SCN4A: variants seen among roughly 807,000 people sequenced by gnomAD.
The protein encoded by SCN4A is sodium channel protein type 4 subunit alpha.
Under a neutral mutation model 162.0 loss-of-function variants are expected in SCN4A, and 83 were observed. The observed-to-expected ratio is 0.51, with a 90% CI of 0.43 to 0.61. The LOEUF is 0.61. SCN4A is among the 20% of genes least tolerant of loss of function. The pLI is 0.00. For synonymous variants in SCN4A, 944 were observed against 985.1 expected (o/e 0.96, Z 0.78); for missense variants, 2,196 against 2,462.5 (o/e 0.89, Z 2.29).
In SCN4A at chr17:63,941,020, G is replaced by A; in HGVS notation, c.5262C>T (p.Tyr1754=). 6.2e-7 allele frequency: 1 copy of A among 1,613,926 alleles called. No homozygotes were observed. Among genetic ancestry groups the A allele is most frequent in the Non-Finnish European group, 8.5e-7 (1 of 1,179,832 alleles). ...CCCCGCTGCCGTCGTGGCTGTGGCG[G>A]TACATGTAGGATGCCTGCTTCATGG... is the stretch of plus-strand genomic sequence containing the variant. The part of the protein sequence containing the change: ...QRSMKQASYM[Y]RHSHDGSGDD... The change falls in exon 24 of 24, where the codon TAC becomes TAT. Residue 1754 remains tyrosine, a synonymous_variant. Coordinates refer to ENST00000435607, the MANE Select transcript of SCN4A (RefSeq NM_000334.4). This position sits in a 1 kb window ranked among gnomAD's most constrained non-coding sequence, Gnocchi z 6.2.
At chr17:63,965,590 G>A (rs548529891) in intron 8 of SCN4A, among the ~76,000 whole-genome samples, 14 of 152,174 alleles carry the variant, frequency 9.2e-5, no homozygotes, top group Non-Finnish European at 1.8e-4. Context: ...CCGGGTTCAA[G>A]CAATTCTCCC....
In SCN4A at chr17:63,944,883, C is replaced by T; in HGVS notation, c.3775-73G>A. The T allele has an allele frequency of 6.3e-7, 1 of 1,597,632 alleles. No homozygotes were observed. Among genetic ancestry groups the T allele is most frequent in the Non-Finnish European group, 8.5e-7 (1 of 1,170,754 alleles). ...TCCCTGCCCCCCACAGCCCTGAGGG[C>T]AGGACCCATCCACCCCCAGGGCTGC... On this transcript the variant is annotated intron_variant, in intron 20 of 23. Transcript: ENST00000435607. This position sits in a 1 kb window ranked among gnomAD's most constrained non-coding sequence, Gnocchi z 4.3.
At position 63,964,605 on chromosome 17, in the gene SCN4A, T is replaced by G. The variant is rs541164399; in HGVS notation, c.1315A>C (p.Ile439Leu). Reference sequence around the variant, plus strand: ...GCCACCACGGCCAGGATCAGATTGATGAGGTAGAAAGAGCCCAGGAAGATG... The same window carrying G: ...GCCACCACGGCCAGGATCAGATTGAGGAGGTAGAAAGAGCCCAGGAAGATG... The part of the protein sequence containing the change: ...VIIFLGSFYL[I>L]NLILAVVAMA... The change falls in exon 9 of 24, where the codon ATC (isoleucine) becomes CTC (leucine). Residue 439 changes from isoleucine (I) to leucine (L), a missense_variant. Physicochemically the swap from Ile to Leu is conservative, Grantham distance 5. Coordinates refer to ENST00000435607, the MANE Select transcript of SCN4A (RefSeq NM_000334.4). 1.9e-6 allele frequency: 3 copies of G among 1,613,682 alleles called. No individual in the cohort carries two copies. The South Asian group carries it at 3.3e-5, about 18-fold the overall frequency.
intron 10 of SCN4A, among the ~76,000 whole-genome samples, chr17:63,963,105 CGTCCATCCATCT>C (rs902746728): frequency 2.6e-5 from 4 of 152,154 alleles, no homozygotes; most frequent in South Asian, 2.1e-4. Flanking sequence ...TCCATCCGTC[CGTCCATCCATCT>C]GTCCATCCAT....
chr17:63,945,361 A>G lies in SCN4A; in HGVS notation c.3719T>C (p.Val1240Ala). ...GCAGGGGTGGTGGGTCACACTCACC[A>G]CCTGCAGGAGGGAGAGGTAGCCCAG... The part of the protein sequence containing the change: ...VGLGYLSLLQ[V>A]ATFKGWMDIM... The change falls in exon 19 of 24, where the codon GTG (valine) becomes GCG (alanine). Residue 1240 changes from valine (V) to alanine (A), a missense_variant and splice_region_variant. Coordinates refer to ENST00000435607, the MANE Select transcript of SCN4A (RefSeq NM_000334.4). This position sits in a 1 kb window ranked among gnomAD's most constrained non-coding sequence, Gnocchi z 4.4. The G allele has an allele frequency of 6.2e-7, 1 of 1,607,868 alleles. No homozygotes were observed. Among genetic ancestry groups the G allele is most frequent in the Non-Finnish European group, 8.5e-7 (1 of 1,174,976 alleles).
Position 63,947,062 on chromosome 17 carries a change from G to A in SCN4A, c.3424C>T (p.Arg1142Ter), listed in dbSNP as rs912001256. The change falls in exon 18 of 24, where the codon CGA becomes TGA. Residue 1142 changes from arginine (R) to a stop codon, truncating the protein, a stop_gained. Transcript: ENST00000435607. LOFTEE classifies it high-confidence loss of function. Reference protein sequence around the residue: ...RALRPLRALSRFEGMRVVVNA... With the variant: ...RALRPLRALS ...GCACCCACCCTCATGCCCTCGAATCGGGACAGTGCCCTCAGGGGACGCAGG... is the reference window on the plus strand; with the variant it reads ...GCACCCACCCTCATGCCCTCGAATCAGGACAGTGCCCTCAGGGGACGCAGG... 1.9e-6 allele frequency: 3 copies of A among 1,566,118 alleles called. No homozygotes were observed. Among genetic ancestry groups the A allele is most frequent in the Non-Finnish European group, 2.6e-6 (3 of 1,150,146 alleles).
Position 63,944,578 on chromosome 17 carries a change from G to T in SCN4A, c.3912+95C>A. On this transcript the variant is annotated intron_variant, in intron 21 of 23. Transcript: ENST00000435607. The surrounding 1 kb of genome is among the most constrained non-coding windows in gnomAD (Gnocchi z 4.3). ...AACCAACAACCTGGTAGGTGCTCAG[G>T]CAGCGTTTGTGGGTTTGTGCAATGG... The T allele has an allele frequency of 1.5e-6, 2 of 1,379,226 alleles. No homozygotes were observed. The highest frequency in any genetic ancestry group is 2.0e-6 in the Non-Finnish European group (2 of 1,011,376). 85.4% of individuals were successfully genotyped at this position (1,379,226 alleles called of 1,614,324 possible).
In SCN4A at chr17:63,951,937, C is replaced by T; in HGVS notation, c.2377-37G>A. On this transcript the variant is annotated intron_variant, in intron 13 of 23. Transcript: ENST00000435607. The surrounding 1 kb of genome is among the most constrained non-coding windows in gnomAD (Gnocchi z 4.5). Reference sequence around the variant, plus strand: ...GGTCAGGGGGAGCCTCACATCAGTCCCCGGGACCCAGAGGGTGCCACCTTC... The same window carrying T: ...GGTCAGGGGGAGCCTCACATCAGTCTCCGGGACCCAGAGGGTGCCACCTTC... 7.3e-7 allele frequency: 1 copy of T among 1,374,756 alleles called. No individual in the cohort carries two copies. Among genetic ancestry groups the T allele is most frequent in the Non-Finnish European group, 9.8e-7 (1 of 1,022,220 alleles). The allele number at this position is 1,374,756 out of a possible 1,614,324, so 85.2% of individuals were successfully genotyped here.
At chr17:63,956,237 C>A (rs1909067851) in intron 13 of SCN4A, among the ~76,000 whole-genome samples, 1 of 152,168 alleles carries the variant, frequency 6.6e-6, no homozygotes, top group Non-Finnish European at 1.5e-5. Context: ...AATATCTGCA[C>A]CTGTTTCTTT....
Position 63,947,894 on chromosome 17 carries a change from A to T in SCN4A, c.3314T>A (p.Val1105Glu), listed in dbSNP as rs753512728. ...GGCCAGCGTGGGGGGACTCACATCCACGATGAGGAAGTCGAGCCAGCACCA... is the reference window on the plus strand; with the variant it reads ...GGCCAGCGTGGGGGGACTCACATCCTCGATGAGGAAGTCGAGCCAGCACCA... ...NAWCWLDFLIVDVSIISLVAN... is the reference protein window; with the variant it reads ...NAWCWLDFLIEDVSIISLVAN... Residue 1105 changes from valine (V) to glutamate (E), a missense_variant, in exon 17 of 24, where the codon GTG (valine) becomes GAG (glutamate). Coordinates refer to ENST00000435607, the MANE Select transcript of SCN4A (RefSeq NM_000334.4). 6.2e-7 allele frequency: 1 copy of T among 1,613,444 alleles called. No individual in the cohort carries two copies. The highest frequency in any genetic ancestry group is 8.5e-7 in the Non-Finnish European group (1 of 1,179,602).
At position 63,968,088 on chromosome 17, in the gene SCN4A, C is replaced by G; in HGVS notation, c.971G>C (p.Trp324Ser). 1 of 1,613,986 alleles carries G rather than the reference C, an allele frequency of 6.2e-7. No individual in the cohort carries two copies. Among genetic ancestry groups the G allele is most frequent in the African/African-American group, 1.3e-5 (1 of 75,040 alleles). Residue 324 changes from tryptophan (W) to serine (S), a missense_variant, in exon 6 of 24, where the codon TGG becomes TCG. Coordinates refer to ENST00000435607, the MANE Select transcript of SCN4A (RefSeq NM_000334.4). ...GGTGGCCCAGCTTGCATGGCTGTTC[C>G]ACGTGTCGTTGGCATACCATGAGTC... ...GNDSWYANDT[W>S]NSHASWATND...
Position 63,941,398 on chromosome 17 carries a change from G to T in SCN4A, c.4884C>A (p.Asp1628Glu), listed in dbSNP as rs369860177. Residue 1628 changes from aspartate (D) to glutamate (E), a missense_variant, in exon 24 of 24, where the codon GAC (aspartate) becomes GAA (glutamate). By Grantham distance (45) the Asp-to-Glu change is conservative (BLOSUM62 2). Coordinates refer to ENST00000435607, the MANE Select transcript of SCN4A (RefSeq NM_000334.4). The surrounding 1 kb of genome is among the most constrained non-coding windows in gnomAD (Gnocchi z 6.2). The stretch of plus-strand genomic sequence containing the variant: ...AGGCGATGAACTGGGTGGCGTCGGG[G>T]TCGAACTTCTCCCATGTCTCGTAGA... ...EMFYETWEKF[D>E]PDATQFIAYS... 1.7e-5 allele frequency: 27 copies of T among 1,613,814 alleles called. No individual in the cohort carries two copies. Among genetic ancestry groups the T allele is most frequent in the Admixed American group, 6.7e-5 (4 of 59,990 alleles).
At chr17:63,946,462 G>GCCCCCCC (rs374261223) in intron 18 of SCN4A, among the ~76,000 whole-genome samples, 10 of 106,660 alleles carry the variant, frequency 9.4e-5, no homozygotes, top group African/African-American at 3.1e-4. Context: ...CATTTTTCTT[G>GCCCCCCC]CCCCCCCCCC....
intron 10 of SCN4A, 93 bp from the exon 11 acceptor site, chr17:63,961,524 C>A: frequency 1.1e-6 from 1 of 879,480 alleles, no homozygotes; most frequent in Non-Finnish European, 1.9e-6. Flanking sequence ...TTCCAAGCCC[C>A]GCCCCTTAGC....
intron 10 of SCN4A, among the ~76,000 whole-genome samples, chr17:63,963,153 C>T (rs1909321791): frequency 6.6e-6 from 1 of 152,234 alleles, no homozygotes; most frequent in African/African-American, 2.4e-5. Context: ...TATTCACCCT[C>T]TCTCATCATG....
At position 63,945,624 on chromosome 17, in the gene SCN4A, G is replaced by A; in HGVS notation, c.3456C>T (p.Ala1152=). The A allele has an allele frequency of 6.2e-7, 1 of 1,613,892 alleles. No homozygotes were observed. The highest frequency in any genetic ancestry group is 8.5e-7 in the Non-Finnish European group (1 of 1,179,864). The change falls in exon 19 of 24, where the codon GCC becomes GCT. Residue 1152 remains alanine (A), a synonymous_variant. Coordinates refer to ENST00000435607, the MANE Select transcript of SCN4A (RefSeq NM_000334.4). The surrounding 1 kb of genome is among the most constrained non-coding windows in gnomAD (Gnocchi z 4.4). ...TGATGGAGGGGATGGCGCCTAGGAG[G>A]GCGTTCACCACCACCTGGGGGCCAG... ...RFEGMRVVVN[A]LLGAIPSIMN...
At chr17:63,970,643 T>TC (rs1421192073) in intron 5 of SCN4A, among the ~76,000 whole-genome samples, 2 of 152,066 alleles carry the variant, frequency 1.3e-5, no homozygotes, top group African/African-American at 4.8e-5. Context: ...TGTTTTCTTT[T>TC]TTTTTTTTGA....
chr17:63,947,804 T>C (rs1908772844), intron 17 of SCN4A, 86 bp downstream of exon 17: 2 of 1,412,860 alleles, frequency 1.4e-6, no homozygotes, highest in African/African-American at 1.4e-5. Flanking sequence ...GGGCAGGTCC[T>C]GCCCTTCAGG....
rs530640921 is a variant in SCN4A, at chr17:63,949,469, C to T, written c.2913G>A (p.Lys971=). Residue 971 remains lysine (K), a synonymous_variant, in exon 15 of 24, where the codon AAG becomes AAA. Transcript: ENST00000435607. The part of the protein sequence containing the change: ...NSSVCSTADY[K]PPEEDPEEQA... ...GCTCCTCAGGGTCCTCCTCGGGGGG[C>T]TTGTAGTCAGCTGTGCTGCAGACGG... 1.3e-4 allele frequency: 211 copies of T among 1,612,248 alleles called. 3 individuals carry two copies. The South Asian group carries it at 2.2e-3, about 17-fold the overall frequency.
Sources: gnomAD v4.1 joint callset for allele counts (sites outside exome capture counted in the v4.1 genomes callset) on GRCh38, gnomAD v4.1.1 for gene constraint, Gnocchi (gnomAD v3.1) non-coding constraint, MANE v1.5 for transcripts, NCBI Gene and HGNC (gene_info 2026-07-23, HGNC 2026-07-21) for gene names.